Variants in SNTG2 observed in about 807,000 individuals in gnomAD.
SNTG2 encodes the protein syntrophin gamma 2, also known as gamma-2-syntrophin.
In SNTG2, 74 loss-of-function variants were observed where a neutral mutation model predicts 70.9. That is an observed-to-expected ratio of 1.04 (90% CI 0.86 to 1.27). The LOEUF (loss-of-function observed/expected upper bound fraction) is 1.27. SNTG2 is among the 50% of genes most tolerant of loss of function. The pLI, the probability that SNTG2 is intolerant of heterozygous loss-of-function variation, is 0.00. For synonymous variants in SNTG2, 278 were observed against 273.8 expected (o/e 1.02, Z -0.15); for missense variants, 717 against 690.7 (o/e 1.04, Z -0.43).
At chr2:1,135,759 A>C (rs932397286) in intron 4 of SNTG2, among the ~76,000 whole-genome samples, 6 of 152,190 alleles carry the variant, frequency 3.9e-5, no homozygotes, top group Non-Finnish European at 8.8e-5. Flanking sequence ...TATCTCCTGC[A>C]CTGGACTTGT....
intron 11 of SNTG2, among the ~76,000 whole-genome samples, chr2:1,246,439 A>C (rs1170965487): frequency 6.6e-6 from 1 of 152,214 alleles, no homozygotes; most frequent in Non-Finnish European, 1.5e-5. Context: ...GGGCGGCTCC[A>C]GCAGAGGGCA....
chr2:1,126,076 A>G (rs1370254085), intron 4 of SNTG2, among the ~76,000 whole-genome samples: 1 of 152,234 alleles, frequency 6.6e-6, no homozygotes, highest in East Asian at 1.9e-4. Context: ...ACAGTGCTAT[A>G]GAACACTAGA....
chr2:1,213,114 T>C (rs2148003048), intron 9 of SNTG2, among the ~76,000 whole-genome samples: 1 of 152,336 alleles, frequency 6.6e-6, no homozygotes, highest in East Asian at 1.9e-4. Flanking sequence ...ATAATAATCA[T>C]ATATAATTAA....
intron 1 of SNTG2, among the ~76,000 whole-genome samples, chr2:1,036,422 ACT>A (rs1345451434): frequency 2.0e-5 from 3 of 152,082 alleles, no homozygotes; most frequent in South Asian, 2.1e-4. Flanking sequence ...TCTAAAAGTG[ACT>A]CTGATAAATT....
At chr2:988,832 C>G (rs2147975898) in intron 1 of SNTG2, among the ~76,000 whole-genome samples, 1 of 152,176 alleles carries the variant, frequency 6.6e-6, no homozygotes, top group Non-Finnish European at 1.5e-5. Context: ...TATAGCTCAA[C>G]TGGTGAAACA....
At chr2:1,359,006 G>T (rs896302674) in intron 16 of SNTG2, among the ~76,000 whole-genome samples, 3 of 152,080 alleles carry the variant, frequency 2.0e-5, no homozygotes, top group African/African-American at 7.2e-5. Flanking sequence ...TCATACACAG[G>T]TTGAATATGC....
intron 8 of SNTG2, among the ~76,000 whole-genome samples, chr2:1,197,210 A>T (rs1363997594): frequency 6.6e-6 from 1 of 152,116 alleles, no homozygotes; most frequent in Non-Finnish European, 1.5e-5. Flanking sequence ...ACCCAATTAT[A>T]TGCTGCCCAC....
chr2:1,309,165 C>T (rs762551063), intron 15 of SNTG2, among the ~76,000 whole-genome samples: 6 of 152,130 alleles, frequency 3.9e-5, no homozygotes, highest in Admixed American at 2.0e-4. Context: ...AAGATAAATA[C>T]GGTTGTTAAA....
At chr2:1,147,820 G>A (rs1229033003) in intron 6 of SNTG2, among the ~76,000 whole-genome samples, 1 of 152,184 alleles carries the variant, frequency 6.6e-6, no homozygotes, top group Non-Finnish European at 1.5e-5. Context: ...AGACATGATT[G>A]TTCCATGTGA....
At chr2:1,321,786 C>A (rs1681534958) in intron 16 of SNTG2, among the ~76,000 whole-genome samples, 1 of 152,070 alleles carries the variant, frequency 6.6e-6, no homozygotes, top group African/African-American at 2.4e-5. Context: ...AAGCACAACG[C>A]CCCCTTCCCT....
chr2:1,261,637 C>A (rs977836858), intron 13 of SNTG2, among the ~76,000 whole-genome samples: 2 of 152,150 alleles, frequency 1.3e-5, no homozygotes, highest in Non-Finnish European at 2.9e-5. Flanking sequence ...ACGGGTCCAT[C>A]CTCTCAACCT....
rs573324676 is a variant in SNTG2 at position 1,115,608 on chromosome 2, A to C, written c.325+17198A>C. On this transcript the variant is annotated intron_variant, in intron 4 of 16. Coordinates refer to ENST00000308624, the MANE Select transcript of SNTG2 (RefSeq NM_018968.4). ...GGTTTGTCCCTTACTGTCCTTTGAG[A>C]AGAATCGTATGTACTAAGTGAGGTT... Among the ~76,000 whole-genome samples, 162 of 134,362 alleles carry C rather than the reference A, an allele frequency of 1.2e-3. 2 individuals are homozygous for C. The highest frequency in any genetic ancestry group is 4.4e-3 in the African/African-American group (154 of 34,868). The allele number at this position is 134,362 out of a possible 152,430, so 88.1% of individuals were successfully genotyped here. A position where few individuals can be genotyped will look rare whatever the true frequency, so the allele number is the denominator to read the frequency against.
At chr2:1,363,255 G>A (rs994077015) in intron 16 of SNTG2, among the ~76,000 whole-genome samples, 7 of 152,094 alleles carry the variant, frequency 4.6e-5, no homozygotes, top group African/African-American at 1.7e-4. Flanking sequence ...TCTTCTATGA[G>A]GACACAAGCT....
chr2:1,126,140 T>A (rs573941812), intron 4 of SNTG2, among the ~76,000 whole-genome samples: 1 of 152,162 alleles, frequency 6.6e-6, no homozygotes, highest in Non-Finnish European at 1.5e-5. Context: ...TCTCTCCACA[T>A]CTCTCTTACC....
At chr2:1,314,528 C>T (rs1225052761) in intron 15 of SNTG2, among the ~76,000 whole-genome samples, 3 of 152,214 alleles carry the variant, frequency 2.0e-5, no homozygotes, top group African/African-American at 7.2e-5. Context: ...GGGCAGCTCC[C>T]TCACTGGGAC....
chr2:1,149,759 C>T (rs1669352250), intron 6 of SNTG2, among the ~76,000 whole-genome samples: 1 of 147,794 alleles, frequency 6.8e-6, no homozygotes. Context: ...GCAATCTTGG[C>T]TCACTGCAAG....
intron 1 of SNTG2, among the ~76,000 whole-genome samples, chr2:1,048,786 A>G (rs1426031268): frequency 6.6e-6 from 1 of 152,046 alleles, no homozygotes; most frequent in Non-Finnish European, 1.5e-5. Context: ...AAACCCAGCA[A>G]CTGTAAATGA....
intron 4 of SNTG2, among the ~76,000 whole-genome samples, chr2:1,130,037 G>T (rs915387991): frequency 3.3e-5 from 5 of 152,192 alleles, no homozygotes; most frequent in African/African-American, 9.6e-5. Flanking sequence ...ACAGGCAAAA[G>T]AACTCATTCA....
chr2:1,146,507 CCAAAATTCTAG>C (rs56313899), intron 6 of SNTG2, among the ~76,000 whole-genome samples: 55,295 of 151,728 alleles, frequency 0.36, 10,869 homozygotes, highest in East Asian at 0.83. Context: ...ATGATATCAA[CCAAAATTCTAG>C]CAAAAAGTTT....
Sources: allele counts gnomAD v4.1 joint callset (sites outside exome capture counted in the v4.1 genomes callset), GRCh38; gene constraint gnomAD v4.1.1; transcripts MANE v1.5; gene names NCBI Gene and HGNC (gene_info 2026-07-23, HGNC 2026-07-21).